Variants in PPP2R2D observed in about 807,000 individuals in gnomAD.
PPP2R2D encodes the protein serine/threonine-protein phosphatase 2A 55 kDa regulatory subunit B delta isoform.
PPP2R2D carries 9 observed loss-of-function variants against 31.1 expected under a neutral mutation model. The observed-to-expected ratio is 0.29, with a 90% CI of 0.17 to 0.51. The LOEUF is 0.51. Ranked by LOEUF, PPP2R2D falls within the 20% of genes least tolerant of loss-of-function variation. The pLI is 0.98. For synonymous variants in PPP2R2D, 179 were observed against 172.6 expected (o/e 1.04, Z -0.29); for missense variants, 391 against 465.6 (o/e 0.84, Z 1.48).
In PPP2R2D at chr10:131,947,981, C is replaced by T. The variant is rs1393373340; in HGVS notation, c.1082+190C>T. Among the ~76,000 whole-genome samples, 1 of 152,198 alleles carries T rather than the reference C, an allele frequency of 6.6e-6. No homozygotes were observed. Among genetic ancestry groups the T allele is most frequent in the East Asian group, 1.9e-4 (1 of 5,202 alleles). On this transcript the variant is annotated intron_variant, in intron 8 of 8. Transcript: ENST00000455566. The surrounding 1 kb of genome is among the most constrained non-coding windows in gnomAD (Gnocchi z 4.3). ...ATAGGATCTCTGAGCAAGTTTCTCA[C>T]CTAGCTTGTCATTCCATTTATATTT...
the PPP2R2D span, chr10:131,969,613 T>G: frequency 6.6e-6 from 1 of 152,324 alleles, no homozygotes; most frequent in South Asian, 2.1e-4. Flanking sequence ...TTATCCCGTT[T>G]CCTTCAACCC....
In PPP2R2D at chr10:131,957,640, A is replaced by G. The variant is rs545392637; in HGVS notation, c.*1677A>G. 1.3e-3 allele frequency: 98 copies of G among 74,584 alleles called. No individual in the cohort carries two copies. The highest frequency in any genetic ancestry group is 9.9e-3 in the South Asian group (35 of 3,520). 4.6% of individuals were successfully genotyped at this position (74,584 alleles called of 1,614,324 possible). A position where few individuals can be genotyped will look rare whatever the true frequency, so the allele number is the denominator to read the frequency against. On this transcript the variant is annotated 3_prime_UTR_variant, in exon 9 of 9. Coordinates refer to ENST00000455566, the MANE Select transcript of PPP2R2D (RefSeq NM_018461.5). Reference sequence around the variant, plus strand: ...CCCATCCCCCTGTGGAGATGAAGGGATATGCTGATCCCCTGTCCCACTGTG... The same window carrying G: ...CCCATCCCCCTGTGGAGATGAAGGGGTATGCTGATCCCCTGTCCCACTGTG...
intron 5 of PPP2R2D, 121 bp from the exon 6 acceptor site, chr10:131,943,847 T>A: frequency 1.6e-6 from 1 of 635,450 alleles, no homozygotes; most frequent in Non-Finnish European, 2.8e-6. Flanking sequence ...GGGTATTGCC[T>A]GTACAGAATT....
chr10:131,970,829 AAGGGGTGC>A, the PPP2R2D span: 1 of 1,614,210 alleles, frequency 6.2e-7, no homozygotes, highest in South Asian at 1.1e-5. The surrounding 1 kb of genome is among the most constrained non-coding windows in gnomAD (Gnocchi z 4.1). Flanking sequence ...GTCCTCTGTC[AAGGGGTGC>A]CCCCGTGACA....
intron 2 of PPP2R2D, among the ~76,000 whole-genome samples, chr10:131,902,572 A>G (rs1173263083): frequency 6.6e-6 from 1 of 152,230 alleles, no homozygotes; most frequent in Admixed American, 6.5e-5. Flanking sequence ...TATGTGATCT[A>G]AAAAGTTTAT....
chr10:131,946,267 C>G (rs994261513), intron 7 of PPP2R2D, among the ~76,000 whole-genome samples: 2 of 152,202 alleles, frequency 1.3e-5, no homozygotes, highest in African/African-American at 4.8e-5. Context: ...TATTTTTAGC[C>G]ATAAAGAATG....
the PPP2R2D span, chr10:131,969,961 G>C: frequency 6.6e-6 from 1 of 152,556 alleles, no homozygotes; most frequent in African/African-American, 2.4e-5. Context: ...GCCGAGGTGA[G>C]CCATCCCTTG....
intron 2 of PPP2R2D, among the ~76,000 whole-genome samples, chr10:131,928,401 A>C (rs1381780165): frequency 6.6e-6 from 1 of 152,222 alleles, no homozygotes; most frequent in African/African-American, 2.4e-5. Context: ...CCTGCGGGAA[A>C]CTTTCACATC....
chr10:131,935,597 G>T (rs2036324388), intron 3 of PPP2R2D, among the ~76,000 whole-genome samples: 1 of 152,168 alleles, frequency 6.6e-6, no homozygotes, highest in Admixed American at 6.5e-5. Flanking sequence ...GCTTTATTTT[G>T]ATTATGTCCA....
At chr10:131,936,312 C>G (rs1554896473) in intron 3 of PPP2R2D, among the ~76,000 whole-genome samples, 1 of 143,202 alleles carries the variant, frequency 7.0e-6, no homozygotes, top group Non-Finnish European at 1.6e-5. Flanking sequence ...CCACGACCAG[C>G]TAATTTTTGT....
chr10:131,905,098 G>A (rs1056151388), intron 2 of PPP2R2D, among the ~76,000 whole-genome samples: 1 of 151,918 alleles, frequency 6.6e-6, no homozygotes, highest in Non-Finnish European at 1.5e-5. Flanking sequence ...GAGTAGAGCT[G>A]AGCTCACAAG....
At chr10:131,952,804 TAGC>T (rs1227898659) in intron 8 of PPP2R2D, among the ~76,000 whole-genome samples, 1 of 107,554 alleles carries the variant, frequency 9.3e-6, no homozygotes, top group Non-Finnish European at 1.8e-5. Context: ...GGGGTTCACT[TAGC>T]AGTGACTTGC....
intron 2 of PPP2R2D, among the ~76,000 whole-genome samples, chr10:131,926,325 A>G (rs889368459): frequency 1.3e-5 from 2 of 152,130 alleles, no homozygotes; most frequent in African/African-American, 2.4e-5. Context: ...CTTCTTTGAA[A>G]AGACACAGAA....
chr10:131,950,131 A>C (rs1264974530), intron 8 of PPP2R2D, among the ~76,000 whole-genome samples: 1 of 152,228 alleles, frequency 6.6e-6, no homozygotes, highest in Non-Finnish European at 1.5e-5. Flanking sequence ...GGCTAAACAG[A>C]TCTTGTATTA....
chr10:131,954,280 G>T (rs148406528), intron 8 of PPP2R2D, among the ~76,000 whole-genome samples: 19 of 152,382 alleles, frequency 1.2e-4, no homozygotes, highest in African/African-American at 4.6e-4. Context: ...AGCAATTCCA[G>T]TCAGTGTCGG....
chr10:131,968,480 C>G, the PPP2R2D span: 1 of 1,510,196 alleles, frequency 6.6e-7, no homozygotes, highest in East Asian at 2.3e-5. Flanking sequence ...GTTGCAAGCT[C>G]AGAAGTAATC....
intron 2 of PPP2R2D, among the ~76,000 whole-genome samples, chr10:131,927,572 C>G (rs1447742470): frequency 6.6e-6 from 1 of 152,096 alleles, no homozygotes; most frequent in African/African-American, 2.4e-5. Context: ...GCAGTACTGA[C>G]TGTCGCCCAG....
chr10:131,940,250 C>T, intron 4 of PPP2R2D, 54 bp downstream of exon 4: 1 of 600,806 alleles, frequency 1.7e-6, no homozygotes, highest in South Asian at 2.5e-5. Context: ...TTTTAATTTT[C>T]TGTGTGTGTG....
the PPP2R2D span, among the ~76,000 whole-genome samples, chr10:131,965,375 CCTT>C: frequency 6.6e-6 from 1 of 152,216 alleles, no homozygotes; most frequent in African/African-American, 2.4e-5. Flanking sequence ...ATCACTCCCT[CCTT>C]ATCCTGTTGG....
Sources: allele counts gnomAD v4.1 joint callset (sites outside exome capture counted in the v4.1 genomes callset), GRCh38; gene constraint gnomAD v4.1.1; non-coding constraint Gnocchi (gnomAD v3.1); transcripts MANE v1.5; gene names NCBI Gene and HGNC (gene_info 2026-07-23, HGNC 2026-07-21).